CUX1: variants seen among roughly 807,000 people sequenced by gnomAD.
CUX1 encodes the protein cut like homeobox 1.
Under a neutral mutation model 158.8 loss-of-function variants are expected in CUX1, and 31 were observed. That is an observed-to-expected ratio of 0.20 (90% confidence interval 0.15 to 0.26). CUX1 has a LOEUF of 0.26. CUX1 is among the 10% of genes least tolerant of loss of function. The probability of loss-of-function intolerance (pLI) is 1.00; values close to 1 mark genes in which losing one functional copy is unlikely to be tolerated. For missense variants in CUX1, 1,589 were observed against 2,014.6 expected (o/e 0.79, Z 4.04); for synonymous variants, 879 against 862.1 (o/e 1.02, Z -0.34).
At chr7:102,240,389 C>T (rs1554534531) in intron 23 of CUX1, among the ~76,000 whole-genome samples, 1 of 152,182 alleles carries the variant, frequency 6.6e-6, no homozygotes, top group Non-Finnish European at 1.5e-5. Context: ...CCACCTCAGC[C>T]TCCTGAGTAG....
downstream of CUX1, among the ~76,000 whole-genome samples, chr7:102,259,877 C>T (rs1478725764): frequency 6.6e-6 from 1 of 151,848 alleles, no homozygotes; most frequent in East Asian, 1.9e-4. Context: ...AGGAGGATGG[C>T]TTGAGCCCAG....
intron 2 of CUX1, among the ~76,000 whole-genome samples, chr7:101,956,239 G>A (rs1209705588): frequency 2.7e-5 from 4 of 150,854 alleles, no homozygotes; most frequent in South Asian, 2.1e-4. Context: ...TGAAATGCAC[G>A]CGCCCTCATT....
chr7:101,928,880 CG>C (rs531330692), intron 2 of CUX1, among the ~76,000 whole-genome samples: 73 of 151,198 alleles, frequency 4.8e-4, no homozygotes, highest in Middle Eastern at 7.0e-3. Context: ...CCGTTTTAGC[CG>C]GGATGGTCTC....
Position 102,074,302 on chromosome 7 carries a change from A to G in CUX1, c.268+3885A>G, listed in dbSNP as rs541335943. Among the ~76,000 whole-genome samples the G allele has an allele frequency of 2.1e-3, 318 of 152,304 alleles. 2 individuals carry two copies. Among genetic ancestry groups the G allele is most frequent in the African/African-American group, 7.2e-3 (301 of 41,570 alleles). On this transcript the variant is annotated intron_variant, in intron 4 of 23. Coordinates refer to ENST00000292535, the MANE Select transcript of CUX1 (RefSeq NM_181552.4). ...GGAGGAAGCCCTTGGGAATAATGCA[A>G]CAGGCATTCCAGCTATATGCCACAC...
At chr7:102,124,740 A>G (rs1554494573) in intron 8 of CUX1, among the ~76,000 whole-genome samples, 3 of 152,084 alleles carry the variant, frequency 2.0e-5, no homozygotes, top group Admixed American at 1.3e-4. Flanking sequence ...TTAGACAGTG[A>G]CTATAGTTAA....
intron 9 of CUX1, among the ~76,000 whole-genome samples, chr7:102,169,627 G>A (rs1434264273): frequency 1.3e-5 from 2 of 152,228 alleles, no homozygotes; most frequent in Non-Finnish European, 2.9e-5. Flanking sequence ...CAGCAGCTCA[G>A]TGAGTTTGGG....
intron 8 of CUX1, among the ~76,000 whole-genome samples, chr7:102,120,818 C>G (rs1433726826): frequency 6.6e-6 from 1 of 152,014 alleles, no homozygotes; most frequent in Non-Finnish European, 1.5e-5. Flanking sequence ...CATCCCAGCA[C>G]TCTGGGAGAC....
At chr7:101,840,583 C>T (rs944723982) in intron 1 of CUX1, among the ~76,000 whole-genome samples, 1 of 152,102 alleles carries the variant, frequency 6.6e-6, no homozygotes, top group East Asian at 1.9e-4. Context: ...GGGATAAACT[C>T]TTCTTCCTCT....
At chr7:102,258,556 G>A (rs536608391), downstream of CUX1, among the ~76,000 whole-genome samples, 3 of 152,268 alleles carry the variant, frequency 2.0e-5, no homozygotes, top group East Asian at 3.9e-4. Context: ...CCTGGCGTCC[G>A]CTTCCTTTTC....
intron 3 of CUX1, among the ~76,000 whole-genome samples, chr7:102,042,053 A>AGTGTGT (rs35975675): frequency 6.6e-6 from 1 of 150,756 alleles, no homozygotes; most frequent in Non-Finnish European, 1.5e-5. Flanking sequence ...TGAGTGTGTG[A>AGTGTGT]GTGTGTGTGT....
intron 9 of CUX1, 145 bp from the exon 10 acceptor site, chr7:102,170,301 G>GT (rs1384020748): frequency 1.7e-4 from 104 of 620,836 alleles, no homozygotes; most frequent in Middle Eastern, 1.3e-3. Flanking sequence ...CACATTCTGT[G>GT]TTTTTTTTCC....
At position 102,113,407 on chromosome 7, in the gene CUX1, C is replaced by T. The variant is rs564346176; in HGVS notation, c.607+1633C>T. On this transcript the variant is annotated intron_variant, in intron 7 of 23. Transcript: ENST00000292535. ...CCTCCCGAGTAGCTGGCGTTACAGG[C>T]GCATGCCACCATGCCCGGTTAATTT... Among the ~76,000 whole-genome samples the T allele has an allele frequency of 2.1e-3, 326 of 152,138 alleles. 4 individuals are homozygous for T. In the South Asian group the frequency reaches 0.033, roughly 15 times the overall value.
At chr7:101,950,883 A>G (rs934322240) in intron 2 of CUX1, among the ~76,000 whole-genome samples, 3 of 151,520 alleles carry the variant, frequency 2.0e-5, no homozygotes, top group African/African-American at 7.3e-5. Context: ...AACTTGGCCA[A>G]CCCCTGTCCT....
At chr7:102,118,755 T>C (rs895172159) in intron 8 of CUX1, among the ~76,000 whole-genome samples, 1 of 152,032 alleles carries the variant, frequency 6.6e-6, no homozygotes, top group Admixed American at 6.6e-5. Context: ...GTTGTTGTTG[T>C]TGTTGTTTTG....
At chr7:101,826,904 AT>A (rs2130976751) in intron 1 of CUX1, among the ~76,000 whole-genome samples, 1 of 152,342 alleles carries the variant, frequency 6.6e-6, no homozygotes, top group Non-Finnish European at 1.5e-5. Context: ...TTTAGGACTC[AT>A]TCAGCTGGTT....
At chr7:102,236,262 G>A (rs1275442757) in intron 22 of CUX1, among the ~76,000 whole-genome samples, 1 of 152,156 alleles carries the variant, frequency 6.6e-6, no homozygotes, top group Non-Finnish European at 1.5e-5. Flanking sequence ...CTGATGACCT[G>A]CCCAGGTGGT....
rs1380236643 is a variant in CUX1, at chr7:102,111,594, C to T, written c.531-104C>T. On this transcript the variant is annotated intron_variant, in intron 6 of 23. Coordinates refer to ENST00000292535, the MANE Select transcript of CUX1 (RefSeq NM_181552.4). ...GGGCGATACCCCGTGGTGCGCCTGCCGCCAGCTGAGCGCAGGGAGGGAGCT... is the reference window on the plus strand; with the variant it reads ...GGGCGATACCCCGTGGTGCGCCTGCTGCCAGCTGAGCGCAGGGAGGGAGCT... 11 of 1,072,566 alleles carry T rather than the reference C, an allele frequency of 1.0e-5. No individual in the cohort carries two copies. In the African/African-American group the frequency reaches 1.1e-4, roughly 11 times the overall value. 66.4% of individuals were successfully genotyped at this position (1,072,566 alleles called of 1,614,324 possible). A position where few individuals can be genotyped will look rare whatever the true frequency, so the allele number is the denominator to read the frequency against.
intron 1 of CUX1, among the ~76,000 whole-genome samples, chr7:101,859,775 A>G (rs578007749): frequency 6.6e-6 from 1 of 152,184 alleles, no homozygotes; most frequent in Non-Finnish European, 1.5e-5. Flanking sequence ...TAGTATCTTT[A>G]AGATCCTAGC....
At chr7:102,071,370 T>A (rs1826107902) in intron 4 of CUX1, among the ~76,000 whole-genome samples, 1 of 152,194 alleles carries the variant, frequency 6.6e-6, no homozygotes, top group African/African-American at 2.4e-5. Context: ...AGAAGGCAGG[T>A]AGAGTGCCTT....
Sources: gnomAD v4.1 joint callset for allele counts (sites outside exome capture counted in the v4.1 genomes callset) on GRCh38, gnomAD v4.1.1 for gene constraint, MANE v1.5 for transcripts, NCBI Gene and HGNC (gene_info 2026-07-23, HGNC 2026-07-21) for gene names.